The following KSR2 variants were observed in gnomAD, a reference collection of about 807,000 sequenced individuals.
The protein encoded by KSR2 is kinase suppressor of ras 2.
A neutral mutation model predicts 107.8 loss-of-function variants in KSR2; 25 were observed. That is an observed-to-expected ratio of 0.23 (90% CI 0.17 to 0.32). The LOEUF (loss-of-function observed/expected upper bound fraction) is 0.32. Ranked by LOEUF, KSR2 falls within the 10% of genes least tolerant of loss-of-function variation. The pLI is 1.00. For synonymous variants in KSR2, 480 were observed against 507.0 expected, an observed-to-expected ratio of 0.95 and a Z score of 0.71; for missense variants, 887 against 1,268.9, an observed-to-expected ratio of 0.70 and a Z score of 4.57.
intron 4 of KSR2, among the ~76,000 whole-genome samples, chr12:117,707,720 A>C (rs187551772): frequency 6.6e-6 from 1 of 152,370 alleles, no homozygotes; most frequent in East Asian, 1.9e-4. Context: ...AAACAAGAGA[A>C]AATGAGGACA....
chr12:117,736,999 A>G (rs1887974136), intron 4 of KSR2, among the ~76,000 whole-genome samples: 1 of 152,166 alleles, frequency 6.6e-6, no homozygotes, highest in African/African-American at 2.4e-5. Context: ...GGAAAACCGC[A>G]TGGCTCCCAG....
chr12:117,691,415 TC>T (rs377676581), intron 4 of KSR2, among the ~76,000 whole-genome samples: 1 of 152,276 alleles, frequency 6.6e-6, no homozygotes, highest in African/African-American at 2.4e-5. Flanking sequence ...GATAAGAGCC[TC>T]CCTTCTCCCT....
chr12:117,475,176 C>T (rs1871697172), intron 17 of KSR2, among the ~76,000 whole-genome samples: 1 of 152,162 alleles, frequency 6.6e-6, no homozygotes, highest in Non-Finnish European at 1.5e-5. Flanking sequence ...TGATCTAAAA[C>T]TCAAATTAGG....
At chr12:117,813,268 CA>C (rs1297691248) in intron 3 of KSR2, among the ~76,000 whole-genome samples, 2 of 151,818 alleles carry the variant, frequency 1.3e-5, no homozygotes, top group East Asian at 1.9e-4. Context: ...GCAACAAAAG[CA>C]AAAAAATAGA....
intron 4 of KSR2, among the ~76,000 whole-genome samples, chr12:117,715,533 T>C (rs146942183): frequency 2.5e-3 from 388 of 152,314 alleles, no homozygotes; most frequent in Non-Finnish European, 4.7e-3. Context: ...GCAAGAGATA[T>C]CCTCCTCTCA....
In KSR2 at chr12:117,968,305, A is replaced by AGGC. The variant is rs10651702; in HGVS notation, c.-51_-50insGCC. 4.5e-6 allele frequency: 5 copies of AGGC among 1,110,342 alleles called. No homozygotes were observed. The highest frequency in any genetic ancestry group is 1.9e-5 in the South Asian group (1 of 52,580). The allele number at this position is 1,110,342 out of a possible 1,614,324, so 68.8% of individuals were successfully genotyped here. ...CTCCTCCTCCTCCCAGAGAGAAAAA[A>AGGC]GAGGGGGGGGAGTAGAGGTAGTCTA... is the stretch of plus-strand genomic sequence containing the variant. On this transcript the variant is annotated 5_prime_UTR_variant, in exon 1 of 20. Transcript: ENST00000339824.
At chr12:117,967,289 A>G (rs758531128) in intron 1 of KSR2, among the ~76,000 whole-genome samples, 5 of 152,094 alleles carry the variant, frequency 3.3e-5, no homozygotes, top group Non-Finnish European at 7.4e-5. Flanking sequence ...AGAATGTCAC[A>G]AGAAGCCAAA....
At chr12:117,677,548 A>T (rs1490141186) in intron 4 of KSR2, among the ~76,000 whole-genome samples, 1 of 152,128 alleles carries the variant, frequency 6.6e-6, no homozygotes, top group Non-Finnish European at 1.5e-5. Flanking sequence ...AAGCCCCTCG[A>T]TCTGTGATAT....
chr12:117,798,709 CAAAAAAAAA>C (rs749755380), intron 3 of KSR2, among the ~76,000 whole-genome samples: 2 of 117,078 alleles, frequency 1.7e-5, no homozygotes, highest in Admixed American at 2.0e-4. Context: ...GCAAAAAGTC[CAAAAAAAAA>C]AAATATATAT....
intron 1 of KSR2, among the ~76,000 whole-genome samples, chr12:117,916,314 T>C (rs1895174115): frequency 6.6e-6 from 1 of 151,886 alleles, no homozygotes; most frequent in Non-Finnish European, 1.5e-5. Flanking sequence ...TTTTTGTATT[T>C]TTAGTAGAGA....
chr12:117,953,014 G>T (rs1168993011), intron 1 of KSR2, among the ~76,000 whole-genome samples: 2 of 150,650 alleles, frequency 1.3e-5, no homozygotes, highest in African/African-American at 2.4e-5. Context: ...AATTTTAAAG[G>T]CTGCCTTGTG....
chr12:117,792,349 T>C (rs1290231096), intron 3 of KSR2, among the ~76,000 whole-genome samples: 1 of 149,200 alleles, frequency 6.7e-6, no homozygotes, highest in Non-Finnish European at 1.5e-5. Context: ...GACACTGTCT[T>C]TAAAAAAAAA....
chr12:117,608,375 T>C (rs914503676), intron 5 of KSR2, among the ~76,000 whole-genome samples: 3 of 152,216 alleles, frequency 2.0e-5, no homozygotes, highest in Admixed American at 6.5e-5. Context: ...AAACCACAGA[T>C]GATTTTATCG....
intron 14 of KSR2, among the ~76,000 whole-genome samples, chr12:117,499,383 T>C (rs1422170805): frequency 2.0e-5 from 3 of 152,232 alleles, no homozygotes; most frequent in Admixed American, 1.3e-4. Flanking sequence ...AATAAATGCA[T>C]GTTCCTTTTG....
chr12:117,799,505 A>G (rs1364688486), intron 3 of KSR2, among the ~76,000 whole-genome samples: 1 of 152,088 alleles, frequency 6.6e-6, no homozygotes, highest in Admixed American at 6.5e-5. Context: ...CCACCAAAAA[A>G]AAAAAGAAAA....
At chr12:117,676,151 G>T (rs1321902346) in intron 4 of KSR2, among the ~76,000 whole-genome samples, 1 of 152,212 alleles carries the variant, frequency 6.6e-6, no homozygotes, top group African/African-American at 2.4e-5. Context: ...GAAAAGCAAA[G>T]CCCCATTAAG....
At chr12:117,641,784 T>C (rs887295934) in intron 5 of KSR2, among the ~76,000 whole-genome samples, 1 of 152,072 alleles carries the variant, frequency 6.6e-6, no homozygotes, top group African/African-American at 2.4e-5. Context: ...AAGAGAAGAA[T>C]AGAAACAGCA....
chr12:117,598,776 T>G (rs2136285866), intron 5 of KSR2, among the ~76,000 whole-genome samples: 1 of 152,260 alleles, frequency 6.6e-6, no homozygotes, highest in East Asian at 1.9e-4. Flanking sequence ...TTCATGCCCT[T>G]TGCAGAGAAG....
chr12:117,477,246 C>G (rs1328745476), intron 16 of KSR2, among the ~76,000 whole-genome samples: 1 of 152,218 alleles, frequency 6.6e-6, no homozygotes, highest in Non-Finnish European at 1.5e-5. Context: ...CCTGTTTGAC[C>G]TAAGCTGGAA....
Sources: allele counts gnomAD v4.1 joint callset (sites outside exome capture counted in the v4.1 genomes callset), GRCh38; gene constraint gnomAD v4.1.1; transcripts MANE v1.5; gene names NCBI Gene and HGNC (gene_info 2026-07-23, HGNC 2026-07-21).